The following IFT46 variants were observed in gnomAD, a reference collection of about 807,000 sequenced individuals.
IFT46 encodes the protein intraflagellar transport 46.
Under a neutral mutation model 39.6 loss-of-function variants are expected in IFT46, and 19 were observed. The ratio of observed to expected loss-of-function variants is 0.48; its 90% CI spans 0.33 to 0.70. The LOEUF is 0.70. Ranked by LOEUF, IFT46 falls within the 30% of genes least tolerant of loss-of-function variation. The probability of loss-of-function intolerance (pLI) is 0.01; values close to 1 mark genes in which losing one functional copy is unlikely to be tolerated. For missense variants in IFT46, 334 were observed against 364.8 expected, an observed-to-expected ratio of 0.92 and a Z score of 0.69; for synonymous variants, 117 against 134.8, an observed-to-expected ratio of 0.87 and a Z score of 0.91.
intron 10 of IFT46, 92 bp downstream of exon 10, chr11:118,545,701 A>G (rs1555066899): frequency 7.2e-7 from 1 of 1,385,028 alleles, no homozygotes; most frequent in African/African-American, 1.4e-5. Flanking sequence ...CTGAAACTCA[A>G]GATACTATCT....
intron 6 of IFT46, 28 bp downstream of exon 6, chr11:118,554,962 A>C: frequency 6.8e-7 from 1 of 1,467,566 alleles, no homozygotes; most frequent in South Asian, 1.1e-5. Flanking sequence ...ACACTTAAGG[A>C]GTCATTTTCA....
rs782803788 is a variant in IFT46, at chr11:118,551,828, C to T, written c.630G>A (p.Leu210=). The T allele has an allele frequency of 6.8e-6, 11 of 1,613,986 alleles. No homozygotes were observed. Among genetic ancestry groups the T allele is most frequent in the Non-Finnish European group, 8.5e-7 (1 of 1,180,036 alleles). The stretch of plus-strand genomic sequence containing the variant: ...CAAACTCCGGGGACCATTCCTGCAT[C>T]AGCGTGTCAATGTCGGGCATGGGCC... ...YTRPMPDIDT[L]MQEWSPEFEE... is the part of the protein sequence containing the mutation. Residue 210 remains leucine, a synonymous_variant, in exon 9 of 12, where the codon CTG becomes CTA. Coordinates refer to ENST00000264021, the MANE Select transcript of IFT46 (RefSeq NM_001168618.2).
At chr11:118,568,781 G>T (rs1004857624), upstream of IFT46, among the ~76,000 whole-genome samples, 3 of 151,352 alleles carry the variant, frequency 2.0e-5, no homozygotes, top group Middle Eastern at 3.4e-3. Context: ...TTCTCCCACC[G>T]AGTAGCTGGG....
At position 118,562,755 on chromosome 11, in the gene IFT46, CAAAT is replaced by C. The variant is rs567228416; in HGVS notation, c.-36+2206_-36+2209del. Among the ~76,000 whole-genome samples the C allele has an allele frequency of 1.2e-4, 19 of 152,270 alleles. 2 individuals carry two copies. Among genetic ancestry groups the C allele is most frequent in the Middle Eastern group, 6.8e-3 (2 of 294 alleles). ...TGAAAACAACCCGAGTGTCCATTAA[CAAAT>C]GAATGAATTAAAAAACGTGGCATAG... On this transcript the variant is annotated intron_variant, in intron 2 of 11. Transcript: ENST00000264021.
intron 10 of IFT46, 97 bp from the exon 11 acceptor site, chr11:118,545,591 G>T: frequency 8.6e-7 from 1 of 1,160,604 alleles, no homozygotes; most frequent in Non-Finnish European, 1.3e-6. Flanking sequence ...CAGATGGGGT[G>T]TCGCTATGAC....
upstream of IFT46, chr11:118,573,479 G>A (rs915957205): frequency 2.0e-6 from 1 of 488,226 alleles, no homozygotes; most frequent in Admixed American, 3.6e-5. Context: ...TTCCTTTATC[G>A]CTGTGATTTG....
chr11:118,566,849 G>T (rs534894039), upstream of IFT46, among the ~76,000 whole-genome samples: 11 of 152,358 alleles, frequency 7.2e-5, no homozygotes, highest in African/African-American at 2.2e-4. Context: ...TTGGGTGGAT[G>T]AATCGAGGAA....
chr11:118,554,931 G>A lies in IFT46; in HGVS notation c.354+59C>T. ...AAAGAAATTAGGGAAACTGTTAAGA[G>A]TAACAGGGGCATCAGAAGAAACACT... On this transcript the variant is annotated intron_variant, in intron 6 of 11. Coordinates refer to ENST00000264021, the MANE Select transcript of IFT46 (RefSeq NM_001168618.2). 3 of 1,218,134 alleles carry A rather than the reference G, an allele frequency of 2.5e-6. 1 individual carries two copies. The South Asian group carries it at 3.6e-5, about 15-fold the overall frequency. 75.5% of individuals were successfully genotyped at this position (1,218,134 alleles called of 1,614,324 possible).
intron 11 of IFT46, 55 bp downstream of exon 11, chr11:118,545,354 A>G: frequency 1.6e-6 from 2 of 1,285,256 alleles, no homozygotes; most frequent in Non-Finnish European, 1.1e-6. Context: ...TCAGAACAGT[A>G]GAAACTATAG....
At chr11:118,557,779 C>T in intron 3 of IFT46, 2 of 1,614,126 alleles carry the variant, frequency 1.2e-6, no homozygotes, top group Non-Finnish European at 1.7e-6. Context: ...CCCACCCTCT[C>T]AAGTACATGA....
At chr11:118,575,124 G>T (rs932092052), upstream of IFT46, among the ~76,000 whole-genome samples, 1 of 152,054 alleles carries the variant, frequency 6.6e-6, no homozygotes, top group African/African-American at 2.4e-5. Context: ...GACTGCAGGC[G>T]CCTGCCACCA....
upstream of IFT46, among the ~76,000 whole-genome samples, chr11:118,570,868 A>G (rs1049990258): frequency 3.9e-5 from 6 of 152,128 alleles, no homozygotes; most frequent in Non-Finnish European, 5.9e-5. Context: ...AAATTATACA[A>G]TTTAGTGGTT....
intron 9 of IFT46, chr11:118,546,507 A>G (rs1951690610): frequency 4.6e-6 from 1 of 219,728 alleles, no homozygotes; most frequent in Non-Finnish European, 9.1e-6. Context: ...GAAGGAAGGG[A>G]GGGAGGGAAT....
intron 9 of IFT46, chr11:118,546,329 C>A: frequency 1.7e-6 from 1 of 587,614 alleles, no homozygotes; most frequent in Middle Eastern, 3.9e-4. Flanking sequence ...GAAATTCCAT[C>A]TCTACAAAAA....
At chr11:118,571,528 CTA>C (rs1420271877) in intron 1 of IFT46, among the ~76,000 whole-genome samples, 1 of 152,188 alleles carries the variant, frequency 6.6e-6, no homozygotes, top group African/African-American at 2.4e-5. Context: ...CGTGGCTGCA[CTA>C]TTTTACATTC....
chr11:118,575,491 C>G (rs1053063470), upstream of IFT46, among the ~76,000 whole-genome samples: 1 of 150,876 alleles, frequency 6.6e-6, no homozygotes, highest in African/African-American at 2.4e-5. Context: ...GACTTAAAAC[C>G]CTCACTGAGT....
chr11:118,563,349 G>A (rs1938124986), intron 2 of IFT46, among the ~76,000 whole-genome samples: 1 of 152,140 alleles, frequency 6.6e-6, no homozygotes, highest in Non-Finnish European at 1.5e-5. Context: ...GGAAATAGTG[G>A]CGATGGTTAA....
rs549053664 is a variant in IFT46 at position 118,560,997 on chromosome 11, T to G, written c.-35-1133A>C. On this transcript the variant is annotated intron_variant, in intron 2 of 11. Transcript: ENST00000264021. Reference sequence around the variant, plus strand: ...GCTGCAACTTATTGTACTGGCCTGCTGCTGGCCCGCAGGCTTCCCAATAGG... The same window carrying G: ...GCTGCAACTTATTGTACTGGCCTGCGGCTGGCCCGCAGGCTTCCCAATAGG... 7.0e-5 allele frequency: 100 copies of G among 1,425,210 alleles called. 1 individual carries two copies. In the African/African-American group the frequency reaches 1.3e-3, roughly 18 times the overall value. The allele number at this position is 1,425,210 out of a possible 1,614,324, so 88.3% of individuals were successfully genotyped here. A position where few individuals can be genotyped will look rare whatever the true frequency, so the allele number is the denominator to read the frequency against.
At chr11:118,573,611 T>C, upstream of IFT46, 1 of 695,654 alleles carries the variant, frequency 1.4e-6, no homozygotes, top group South Asian at 1.5e-5. Flanking sequence ...TTTATTCTTT[T>C]GTCAATAGAT....
Sources: allele counts gnomAD v4.1 joint callset (sites outside exome capture counted in the v4.1 genomes callset), GRCh38; gene constraint gnomAD v4.1.1; transcripts MANE v1.5; gene names NCBI Gene and HGNC (gene_info 2026-07-23, HGNC 2026-07-21).